Variants in COL9A3 observed in about 807,000 individuals in gnomAD.
The protein encoded by COL9A3 is collagen alpha-3(IX) chain.
Under a neutral mutation model 110.2 loss-of-function variants are expected in COL9A3, and 82 were observed. The ratio of observed to expected loss-of-function variants is 0.74; its 90% confidence interval spans 0.62 to 0.89. The LOEUF (loss-of-function observed/expected upper bound fraction) is 0.89, where lower values mean the gene tolerates loss of function less well. COL9A3 is among the 40% of genes least tolerant of loss of function. The pLI is 0.00. For synonymous variants in COL9A3, 494 were observed against 403.8 expected, an observed-to-expected ratio of 1.22 and a Z score of -2.68; for missense variants, 1,066 against 981.3, an observed-to-expected ratio of 1.09 and a Z score of -1.15.
At chr20:62,836,380 T>G (rs746764144) in intron 28 of COL9A3, 47 bp downstream of exon 28, 1 of 1,613,878 alleles carries the variant, frequency 6.2e-7, no homozygotes, top group African/African-American at 1.3e-5. Context: ...GTTGAGATCG[T>G]GTTTTTTCCG....
intron 26 of COL9A3, among the ~76,000 whole-genome samples, chr20:62,833,411 G>GT (rs2063611344): frequency 6.6e-6 from 1 of 152,152 alleles, no homozygotes. Context: ...GGGGTTTCTT[G>GT]TTTTTTGTTT....
Position 62,830,406 on chromosome 20 carries a change from G to C in COL9A3, c.1208G>C (p.Gly403Ala), listed in dbSNP as rs377664853. 1.9e-5 allele frequency: 30 copies of C among 1,569,140 alleles called. No homozygotes were observed. The highest frequency in any genetic ancestry group is 2.3e-5 in the Non-Finnish European group (27 of 1,157,088). The change falls in exon 23 of 32, where the codon GGC becomes GCC. Residue 403 changes from glycine to alanine, a missense_variant. Physicochemically the swap from Gly to Ala is moderately conservative, Grantham distance 60 (BLOSUM62 0). Transcript: ENST00000649368. ...QGPPGAPGVR[G>A]FQGQKGSMGD... ...CCTCCCGGAGCCCCTGGTGTCCGAGGCTTCCAGGTGGGTGAGGTTGGGGCA... is the reference window on the plus strand; with the variant it reads ...CCTCCCGGAGCCCCTGGTGTCCGAGCCTTCCAGGTGGGTGAGGTTGGGGCA...
At chr20:62,835,467 A>G (rs906018244) in intron 26 of COL9A3, among the ~76,000 whole-genome samples, 2 of 152,192 alleles carry the variant, frequency 1.3e-5, no homozygotes, top group Admixed American at 1.3e-4. Flanking sequence ...ACCTCTTAAT[A>G]GCATTGCAGT....
At chr20:62,825,079 G>C in intron 12 of COL9A3, 58 bp downstream of exon 12, 1 of 1,193,112 alleles carries the variant, frequency 8.4e-7, no homozygotes, top group East Asian at 2.6e-5. Flanking sequence ...GGGCTCCGGC[G>C]GGAGGGAGGG....
rs2294988 is a variant in COL9A3 at position 62,822,197 on chromosome 20, G to A, written c.477+33G>A. 0.31 allele frequency: 418,371 copies of A among 1,332,424 alleles called. 67,155 individuals carry two copies. The highest frequency in any genetic ancestry group is 0.33 in the Non-Finnish European group (307,211 of 923,720). The allele number at this position is 1,332,424 out of a possible 1,614,324, so 82.5% of individuals were successfully genotyped here. ...CTGGGCAGAGGCTCTAAGAAGTGCT[G>A]GGCATGGACTAGGACACTGGGTTGG... On this transcript the variant is annotated intron_variant, in intron 9 of 31. Transcript: ENST00000649368.
rs758082202 is a variant in COL9A3, at chr20:62,826,752, C to T, written c.739-15C>T. 25 of 1,612,466 alleles carry T rather than the reference C, an allele frequency of 1.6e-5. No individual in the cohort carries two copies. The highest frequency in any genetic ancestry group is 1.7e-4 in the Middle Eastern group (1 of 6,018). ...CTCAGACAAGAGGACCCCGGATCCC[C>T]TCTCTCCTCTGCAGGGTCCCATTGG... On this transcript the variant is annotated splice_polypyrimidine_tract_variant and intron_variant, in intron 14 of 31. Coordinates refer to ENST00000649368, the MANE Select transcript of COL9A3 (RefSeq NM_001853.4).
At chr20:62,830,930 T>C (rs930813978) in intron 24 of COL9A3, among the ~76,000 whole-genome samples, 3 of 151,304 alleles carry the variant, frequency 2.0e-5, no homozygotes, top group African/African-American at 7.3e-5. Flanking sequence ...TTGGCCCCTC[T>C]GACCTTCCAC....
rs1405353058 is a variant in COL9A3 at position 62,818,571 on chromosome 20, G to A, written c.183+18G>A. On this transcript the variant is annotated intron_variant, in intron 3 of 31. Coordinates refer to ENST00000649368, the MANE Select transcript of COL9A3 (RefSeq NM_001853.4). ...GGCCCCCGGTGAGTGTCCCTGGCTG[G>A]GGAGACAGCCTTTTTCCAGTCTGGA... 1.9e-6 allele frequency: 3 copies of A among 1,611,352 alleles called. No individual in the cohort carries two copies. The African/African-American group carries it at 4.0e-5, about 22-fold the overall frequency.
In COL9A3 at chr20:62,837,134, C is replaced by G. The variant is rs1600811501; in HGVS notation, c.1655C>G (p.Ser552Cys). 1 of 1,613,408 alleles carries G rather than the reference C, an allele frequency of 6.2e-7. No homozygotes were observed. Among genetic ancestry groups the G allele is most frequent in the East Asian group, 2.2e-5 (1 of 44,874 alleles). ...AHLRKPLAPG[S>C]IGRPGPAGPP... ...CTAAGGAAGCCTTTGGCACCCGGGT[C>G]CATTGGTCGGCCCGGTCCAGCTGGC... is the stretch of plus-strand genomic sequence containing the variant. The change falls in exon 30 of 32, where the codon TCC (serine) becomes TGC (cysteine). Residue 552 changes from serine (S) to cysteine (C), a missense_variant. Ser to Cys is a moderately radical substitution (Grantham distance 112). Coordinates refer to ENST00000649368, the MANE Select transcript of COL9A3 (RefSeq NM_001853.4).
chr20:62,825,816 G>C lies in COL9A3; in HGVS notation c.631-1G>C. ...TGACCACCCTATCCCCTCTGTTTCAGGGTGACCCTGGCCCCCCTGGGCCCG... is the reference window on the plus strand; with the variant it reads ...TGACCACCCTATCCCCTCTGTTTCACGGTGACCCTGGCCCCCCTGGGCCCG... On this transcript the variant is annotated splice_acceptor_variant, in intron 12 of 31. Transcript: ENST00000649368. LOFTEE classifies it high-confidence loss of function. 6.4e-7 allele frequency: 1 copy of C among 1,553,492 alleles called. No homozygotes were observed. The highest frequency in any genetic ancestry group is 8.7e-7 in the Non-Finnish European group (1 of 1,148,296).
At chr20:62,836,972 A>G in intron 29 of COL9A3, 111 bp from the exon 30 acceptor site, 1 of 1,371,150 alleles carries the variant, frequency 7.3e-7, no homozygotes, top group Non-Finnish European at 1.0e-6. Flanking sequence ...ATCAATCAGA[A>G]GGAAAACTTG....
At chr20:62,823,262 G>A (rs1309234433) in intron 10 of COL9A3, among the ~76,000 whole-genome samples, 1 of 152,154 alleles carries the variant, frequency 6.6e-6, no homozygotes, top group African/African-American at 2.4e-5. Flanking sequence ...CTTGAGCCCA[G>A]GAGGCAGTGG....
intron 5 of COL9A3, among the ~76,000 whole-genome samples, chr20:62,820,734 G>A (rs748093970): frequency 1.3e-5 from 2 of 152,182 alleles, no homozygotes; most frequent in South Asian, 2.1e-4. Context: ...CGTGCGTGCC[G>A]TCCAGGGAAT....
intron 24 of COL9A3, chr20:62,831,282 G>A (rs1010632401): frequency 3.3e-5 from 5 of 152,314 alleles, no homozygotes; most frequent in African/African-American, 1.2e-4. Flanking sequence ...CCTACCCAGG[G>A]CCCCAGCTCA....
intron 26 of COL9A3, among the ~76,000 whole-genome samples, chr20:62,833,302 C>T (rs938276106): frequency 6.6e-5 from 10 of 152,194 alleles, no homozygotes; most frequent in African/African-American, 1.7e-4. Context: ...TGACCTGACC[C>T]GGTGCTCAGA....
chr20:62,825,699 C>A (rs2063546763), intron 12 of COL9A3, 118 bp from the exon 13 acceptor site: 1 of 1,038,456 alleles, frequency 9.6e-7, no homozygotes, highest in African/African-American at 1.6e-5. Context: ...CTCCAAGGCC[C>A]AGCTGTGAAG....
chr20:62,840,318 CCCTG>C (rs1390521774), intron 31 of COL9A3, among the ~76,000 whole-genome samples: 1 of 152,112 alleles, frequency 6.6e-6, no homozygotes, highest in African/African-American at 2.4e-5. Context: ...GGCTCTGCAC[CCCTG>C]CCTGGGGCTG....
In COL9A3 at chr20:62,828,689, T is replaced by G; in HGVS notation, c.901-75T>G. ...GTTTTAGGTTGATGGGGAAGGAGGC[T>G]GCCCCCAGGGCAGGACTGTAGAGGG... On this transcript the variant is annotated intron_variant, in intron 17 of 31. Transcript: ENST00000649368. 2.6e-6 allele frequency: 4 copies of G among 1,530,682 alleles called. No homozygotes were observed. The South Asian group carries it at 4.5e-5, about 17-fold the overall frequency. 94.8% of individuals were successfully genotyped at this position (1,530,682 alleles called of 1,614,324 possible).
intron 18 of COL9A3, 27 bp downstream of exon 18, chr20:62,828,844 G>A: frequency 6.2e-7 from 1 of 1,612,830 alleles, no homozygotes; most frequent in South Asian, 1.1e-5. Flanking sequence ...GGGTGTGACG[G>A]GAGGGAGGGG....
Sources: allele counts gnomAD v4.1 joint callset (sites outside exome capture counted in the v4.1 genomes callset), GRCh38; gene constraint gnomAD v4.1.1; transcripts MANE v1.5; gene names NCBI Gene and HGNC (gene_info 2026-07-23, HGNC 2026-07-21).